Variants in GLP2R observed in about 807,000 individuals in gnomAD.
GLP2R encodes glucagon-like peptide 2 receptor.
A neutral mutation model predicts 68.2 loss-of-function variants in GLP2R; 59 were observed. The observed-to-expected ratio is 0.87, with a 90% CI of 0.70 to 1.07. GLP2R has a LOEUF of 1.07. Among genes scored for constraint, GLP2R ranks in the 50% least tolerant of loss-of-function variants. The pLI is 0.00. For synonymous variants in GLP2R, 270 were observed against 265.4 expected (o/e 1.02, Z -0.17); for missense variants, 548 against 677.4 (o/e 0.81, Z 2.12).
At chr17:9,856,950 T>C (rs979515822) in intron 5 of GLP2R, among the ~76,000 whole-genome samples, 1 of 151,996 alleles carries the variant, frequency 6.6e-6, no homozygotes, top group Admixed American at 6.5e-5. Flanking sequence ...TGAGGTGAAG[T>C]CTCGCTCTGT....
chr17:9,873,655 A>C (rs536414180), intron 10 of GLP2R, among the ~76,000 whole-genome samples: 7 of 144,248 alleles, frequency 4.9e-5, no homozygotes, highest in Admixed American at 7.3e-5. Context: ...AACGGGGCTC[A>C]GGGAAGCCAA....
chr17:9,867,146 T>G (rs2067046301), intron 9 of GLP2R, among the ~76,000 whole-genome samples: 1 of 152,178 alleles, frequency 6.6e-6, no homozygotes, highest in African/African-American at 2.4e-5. Flanking sequence ...CTGGGCCCAA[T>G]TTTGGGGAAC....
intron 4 of GLP2R, among the ~76,000 whole-genome samples, chr17:9,851,870 G>A (rs917175748): frequency 2.0e-5 from 3 of 151,182 alleles, no homozygotes; most frequent in Non-Finnish European, 2.9e-5. Flanking sequence ...TAAGTTGCTT[G>A]GAAAATTCCC....
chr17:9,870,693 C>A, intron 9 of GLP2R, 54 bp from the exon 10 acceptor site: 1 of 850,938 alleles, frequency 1.2e-6, no homozygotes, highest in South Asian at 1.4e-5. Flanking sequence ...CCTTGAAGTT[C>A]ACAGCTATGT....
At position 9,891,960 on chromosome 17, in the gene GLP2R, T is replaced by G. The variant is rs936126766; in HGVS notation, c.*2255T>G. ...CTCGGATGCTGCTGGGAGTAAGTGA[T>G]CCAGGACCTTACCGCTAAGAGGAGA... On this transcript the variant is annotated 3_prime_UTR_variant, in exon 13 of 13. Coordinates refer to ENST00000262441, the MANE Select transcript of GLP2R (RefSeq NM_004246.3). 1 of 152,182 alleles carries G rather than the reference T, an allele frequency of 6.6e-6. No homozygotes were observed. Among genetic ancestry groups the G allele is most frequent in the Non-Finnish European group, 1.5e-5 (1 of 68,056 alleles). The allele number at this position is 152,182 out of a possible 1,614,324, so 9.4% of individuals were successfully genotyped here. A position where few individuals can be genotyped will look rare whatever the true frequency, so the allele number is the denominator to read the frequency against.
At chr17:9,876,452 G>A (rs9911768) in intron 10 of GLP2R, among the ~76,000 whole-genome samples, 4,413 of 152,304 alleles carry the variant, frequency 0.029, 212 homozygotes, top group African/African-American at 0.1. Context: ...AGTCATGGGG[G>A]AAGTATGATT....
At chr17:9,831,364 A>G (rs563884055) in intron 1 of GLP2R, among the ~76,000 whole-genome samples, 9 of 152,186 alleles carry the variant, frequency 5.9e-5, no homozygotes, top group Non-Finnish European at 1.3e-4. Flanking sequence ...GCTTGTATTC[A>G]GAGATGAAAG....
chr17:9,837,410 G>A (rs1183187067), intron 3 of GLP2R, among the ~76,000 whole-genome samples: 1 of 152,170 alleles, frequency 6.6e-6, no homozygotes. Context: ...ACTAAATTTG[G>A]CTGCAGTGGG....
chr17:9,880,614 A>G, intron 11 of GLP2R, 98 bp downstream of exon 11: 1 of 793,564 alleles, frequency 1.3e-6, no homozygotes, highest in South Asian at 2.1e-5. Flanking sequence ...GGATGAAAAT[A>G]GAATTGTAGC....
intron 4 of GLP2R, among the ~76,000 whole-genome samples, chr17:9,849,738 G>A (rs1179319713): frequency 2.7e-5 from 4 of 146,162 alleles, no homozygotes; most frequent in Non-Finnish European, 4.5e-5. Context: ...TCAGCCTCCC[G>A]AGTAGCTGGG....
Position 9,889,406 on chromosome 17 carries a change from T to C in GLP2R, c.1363T>C (p.Leu455=), listed in dbSNP as rs768733044. 17 of 1,614,088 alleles carry C rather than the reference T, an allele frequency of 1.1e-5. No homozygotes were observed. Among genetic ancestry groups the C allele is most frequent in the Non-Finnish European group, 1.2e-5 (14 of 1,179,936 alleles). Residue 455 remains leucine, a synonymous_variant, in exon 13 of 13, where the codon TTG becomes CTG. Coordinates refer to ENST00000262441, the MANE Select transcript of GLP2R (RefSeq NM_004246.3). The stretch of plus-strand genomic sequence containing the variant: ...GCTGCGGAAATACTGGGTCCGCTTC[T>C]TGCTAGCCCGCCACTCAGGCTGCAG... ...AELRKYWVRF[L]LARHSGCRAC... is the part of the protein sequence containing the mutation.
At position 9,889,364 on chromosome 17, in the gene GLP2R, C is replaced by T. The variant is rs534092577; in HGVS notation, c.1327-6C>T. ...ACAGTAACCTCTCACTTGTCTCACC[C>T]GGCAGGTGAAGGCTGAGCTGCGGAA... On this transcript the variant is annotated splice_polypyrimidine_tract_variant and splice_region_variant and intron_variant, in intron 12 of 12. Transcript: ENST00000262441. 3.8e-5 allele frequency: 60 copies of T among 1,599,198 alleles called. No homozygotes were observed. In the East Asian group the frequency reaches 4.9e-4, roughly 13 times the overall value.
rs373406463 is a variant in GLP2R at position 9,889,725 on chromosome 17, G to A, written c.*20G>A. ...ATCTAGGGTGGAGTTCCACCACCCT[G>A]GCTCTGCTCCCAGGGACTCTTGAGG... On this transcript the variant is annotated 3_prime_UTR_variant, in exon 13 of 13. Transcript: ENST00000262441. The A allele has an allele frequency of 7.6e-6, 11 of 1,451,652 alleles. No homozygotes were observed. Among genetic ancestry groups the A allele is most frequent in the Non-Finnish European group, 1.0e-5 (11 of 1,073,066 alleles). The allele number at this position is 1,451,652 out of a possible 1,614,324, so 89.9% of individuals were successfully genotyped here.
At position 9,854,600 on chromosome 17, in the gene GLP2R, C is replaced by A; in HGVS notation, c.610C>A (p.Arg204=). The change falls in exon 5 of 13, where the codon CGA becomes AGA. Residue 204 remains arginine (R), a splice_region_variant and synonymous_variant. Coordinates refer to ENST00000262441, the MANE Select transcript of GLP2R (RefSeq NM_004246.3). ...FLALTLLLFL[R]KLHCTRNYIH... ...GGCTCTCACCCTCCTCTTGTTTCTTCGGTGAGTAGAACTTCTGCAGGCATG... is the reference window on the plus strand; with the variant it reads ...GGCTCTCACCCTCCTCTTGTTTCTTAGGTGAGTAGAACTTCTGCAGGCATG... 1 of 1,547,988 alleles carries A rather than the reference C, an allele frequency of 6.5e-7. No homozygotes were observed. Among genetic ancestry groups the A allele is most frequent in the Non-Finnish European group, 8.9e-7 (1 of 1,119,670 alleles).
At chr17:9,873,579 T>TTTTTTTTC (rs1555573361) in intron 10 of GLP2R, among the ~76,000 whole-genome samples, 1 of 141,542 alleles carries the variant, frequency 7.1e-6, no homozygotes, top group African/African-American at 2.7e-5. Flanking sequence ...TTTTTTTTTT[T>TTTTTTTTC]AGCTCATCAG....
Position 9,826,087 on chromosome 17 carries a change from A to C in GLP2R, c.24A>C (p.Ala8=), listed in dbSNP as rs1004860930. 1 of 1,612,770 alleles carries C rather than the reference A, an allele frequency of 6.2e-7. No individual in the cohort carries two copies. Among genetic ancestry groups the C allele is most frequent in the Non-Finnish European group, 8.5e-7 (1 of 1,179,636 alleles). MKLGSSR[A]GPGRGSAGLL... is the part of the protein sequence containing the mutation. ...AGATGAAGCTGGGATCGAGCAGGGC[A>C]GGGCCTGGGAGAGGAAGCGCGGGAC... Residue 8 remains alanine (A), a synonymous_variant, in exon 1 of 13, where the codon GCA becomes GCC. Coordinates refer to ENST00000262441, the MANE Select transcript of GLP2R (RefSeq NM_004246.3).
chr17:9,872,695 C>A (rs975474910), intron 10 of GLP2R, among the ~76,000 whole-genome samples: 2 of 152,246 alleles, frequency 1.3e-5, no homozygotes, highest in African/African-American at 4.8e-5. Context: ...ACGGAGGGAG[C>A]TGGCCACGAC....
intron 3 of GLP2R, among the ~76,000 whole-genome samples, chr17:9,839,383 A>C (rs1234001632): frequency 6.6e-6 from 1 of 151,770 alleles, no homozygotes; most frequent in Non-Finnish European, 1.5e-5. Context: ...GAGGAGAGGA[A>C]AACAAACTCC....
intron 9 of GLP2R, among the ~76,000 whole-genome samples, chr17:9,864,683 C>A (rs879938423): frequency 7.9e-5 from 12 of 152,056 alleles, no homozygotes; most frequent in African/African-American, 2.9e-4. Context: ...CCACCACACC[C>A]GGCTAATTTT....
Sources: gnomAD v4.1 joint callset for allele counts (sites outside exome capture counted in the v4.1 genomes callset) on GRCh38, gnomAD v4.1.1 for gene constraint, MANE v1.5 for transcripts, NCBI Gene and HGNC (gene_info 2026-07-23, HGNC 2026-07-21) for gene names.